Variants in RNF32 observed in about 807,000 individuals in gnomAD.
The protein encoded by RNF32 is ring finger protein 32.
In RNF32, 36 loss-of-function variants were observed where a neutral mutation model predicts 41.0. The observed-to-expected ratio is 0.88, with a 90% confidence interval of 0.67 to 1.16. The LOEUF is 1.16. Ranked by LOEUF, RNF32 falls within the 50% of genes most tolerant of loss-of-function variation. The probability of loss-of-function intolerance (pLI) is 0.00; values close to 1 mark genes in which losing one functional copy is unlikely to be tolerated. For synonymous variants in RNF32, 154 were observed against 160.9 expected (o/e 0.96, Z 0.32); for missense variants, 413 against 436.7 (o/e 0.95, Z 0.48).
At chr7:156,640,246 A>G (rs917301388), upstream of RNF32, 1 of 448,392 alleles carries the variant, frequency 2.2e-6, no homozygotes, top group Non-Finnish European at 4.5e-6. Context: ...CCCTCGACTA[A>G]CAGCGCAGCG....
intron 7 of RNF32, 64 bp from the exon 8 acceptor site, chr7:156,675,632 A>G: frequency 4.9e-6 from 7 of 1,424,264 alleles, no homozygotes; most frequent in South Asian, 1.2e-5. Flanking sequence ...CAGGCTCGAG[A>G]GCGCTTCCCT....
At chr7:156,658,367 G>A in intron 6 of RNF32, 95 bp from the exon 7 acceptor site, 4 of 1,541,342 alleles carry the variant, frequency 2.6e-6, no homozygotes, top group Non-Finnish European at 1.8e-6. Context: ...AATTTCCCCA[G>A]GGCCTTGTAC....
intron 5 of RNF32, among the ~76,000 whole-genome samples, chr7:156,657,866 CGT>C (rs1455740202): frequency 1.3e-5 from 2 of 152,172 alleles, no homozygotes; most frequent in Non-Finnish European, 2.9e-5. Context: ...CATACACACG[CGT>C]GACTCACCTT....
At position 156,675,800 on chromosome 7, in the gene RNF32, G is replaced by A; in HGVS notation, c.789G>A (p.Gln263=). 2 of 1,614,182 alleles carry A rather than the reference G, an allele frequency of 1.2e-6. No individual in the cohort carries two copies. The highest frequency in any genetic ancestry group is 2.2e-5 in the South Asian group (2 of 91,082). ...QCLAINRSVL[Q]QLEEKCGHEI... ...TGGCCATAAATCGAAGTGTTCTTCA[G>A]CAGTTGGAAGAAAAATGTGGCCATG... The change falls in exon 8 of 9, where the codon CAG becomes CAA. Residue 263 remains glutamine (Q), a synonymous_variant. Transcript: ENST00000317955.
chr7:156,675,723 T>C lies in RNF32; in HGVS notation c.712T>C (p.Cys238Arg). 3 of 1,613,564 alleles carry C rather than the reference T, an allele frequency of 1.9e-6. No individual in the cohort carries two copies. Among genetic ancestry groups the C allele is most frequent in the Non-Finnish European group, 2.5e-6 (3 of 1,179,570 alleles). The change falls in exon 8 of 9, where the codon TGC becomes CGC. Residue 238 changes from cysteine (C) to arginine (R), a missense_variant. Coordinates refer to ENST00000317955, the MANE Select transcript of RNF32 (RefSeq NM_030936.4). ...KFTEISHRIL[C>R]SYNTNIEELF... ...CACAGAAATCAGCCACCGCATCCTG[T>C]GCTCATACAACACCAACATTGAAGA... is the stretch of plus-strand genomic sequence containing the variant.
In RNF32 at chr7:156,670,933, G is replaced by A. The variant is rs999536207; in HGVS notation, c.685-4763G>A. 1.3e-5 allele frequency among the ~76,000 whole-genome samples: 2 copies of A among 152,308 alleles called. No individual in the cohort carries two copies. The highest frequency in any genetic ancestry group is 1.9e-4 in the East Asian group (1 of 5,188). ...AAATCTAATAGACATTGATTCCACCGAACAAGAAAACTCATGTCTCAGGTT... is the reference window on the plus strand; with the variant it reads ...AAATCTAATAGACATTGATTCCACCAAACAAGAAAACTCATGTCTCAGGTT... On this transcript the variant is annotated intron_variant, in intron 7 of 8. Coordinates refer to ENST00000317955, the MANE Select transcript of RNF32 (RefSeq NM_030936.4). The surrounding 1 kb of genome is among the most constrained non-coding windows in gnomAD (Gnocchi z 4.3).
Position 156,670,470 on chromosome 7 carries a change from C to T in RNF32, c.685-5226C>T, listed in dbSNP as rs996142807. Among the ~76,000 whole-genome samples, 1 of 152,182 alleles carries T rather than the reference C, an allele frequency of 6.6e-6. No homozygotes were observed. The highest frequency in any genetic ancestry group is 2.4e-5 in the African/African-American group (1 of 41,434). On this transcript the variant is annotated intron_variant, in intron 7 of 8. Transcript: ENST00000317955. The surrounding 1 kb of genome is among the most constrained non-coding windows in gnomAD (Gnocchi z 4.3). ...AAGAGAACACGTGGGACAGAGGCAA[C>T]AGCTTGAAGCAACAAAGGCTAAGAA...
rs1797747719 is a variant in RNF32, at chr7:156,644,550, G to A, written c.67G>A (p.Asp23Asn). 6.2e-7 allele frequency: 1 copy of A among 1,612,430 alleles called. No homozygotes were observed. The highest frequency in any genetic ancestry group is 8.5e-7 in the Non-Finnish European group (1 of 1,179,240). ...GGCAGTCAATGCAGTTGCTTTACAA[G>A]ATCACATTTTACATGATCTTCAACT... Reference protein sequence around the residue: ...NLAVNAVALQDHILHDLQLRN... With the variant: ...NLAVNAVALQNHILHDLQLRN... Residue 23 changes from aspartate to asparagine, a missense_variant, in exon 3 of 9, where the codon GAT becomes AAT. Coordinates refer to ENST00000317955, the MANE Select transcript of RNF32 (RefSeq NM_030936.4).
At chr7:156,654,799 C>T (rs1022881608) in intron 4 of RNF32, 81 bp downstream of exon 4, 3 of 1,356,286 alleles carry the variant, frequency 2.2e-6, no homozygotes, top group African/African-American at 2.9e-5. Context: ...CCTAAGATTC[C>T]AAGCTTCCTT....
chr7:156,646,443 C>T (rs1355862983), intron 3 of RNF32: 10 of 1,303,680 alleles, frequency 7.7e-6, no homozygotes, highest in Non-Finnish European at 9.1e-6. Flanking sequence ...TCCCTTTCCT[C>T]TTCTTATAAG....
In RNF32 at chr7:156,670,289, A is replaced by G. The variant is rs566088426; in HGVS notation, c.685-5407A>G. On this transcript the variant is annotated intron_variant, in intron 7 of 8. Coordinates refer to ENST00000317955, the MANE Select transcript of RNF32 (RefSeq NM_030936.4). This position sits in a 1 kb window ranked among gnomAD's most constrained non-coding sequence, Gnocchi z 4.3. ...CTGTTTTGACTTTGGCTCTTGATAC[A>G]CACACATTCTAGTCAGGCCCTGCCT... Among the ~76,000 whole-genome samples, 5 of 152,254 alleles carry G rather than the reference A, an allele frequency of 3.3e-5. No homozygotes were observed. Among genetic ancestry groups the G allele is most frequent in the Admixed American group, 2.6e-4 (4 of 15,304 alleles).
chr7:156,653,732 G>C (rs1799123689), intron 3 of RNF32, among the ~76,000 whole-genome samples: 1 of 152,224 alleles, frequency 6.6e-6, no homozygotes, highest in Non-Finnish European at 1.5e-5. Context: ...CGCACTATCA[G>C]CTCGATGCCG....
rs1797690483 is a variant in RNF32 at position 156,644,020 on chromosome 7, C to T, written c.15+128C>T. Reference sequence around the variant, plus strand: ...ACTAGGAATTGTCAGCAGGAATGGGCGATGCCAAGTGTCGCATGGGGCAGT... The same window carrying T: ...ACTAGGAATTGTCAGCAGGAATGGGTGATGCCAAGTGTCGCATGGGGCAGT... On this transcript the variant is annotated intron_variant, in intron 2 of 8. Coordinates refer to ENST00000317955, the MANE Select transcript of RNF32 (RefSeq NM_030936.4). 2.8e-5 allele frequency: 22 copies of T among 795,606 alleles called. No individual in the cohort carries two copies. In the Middle Eastern group the frequency reaches 9.2e-4, roughly 33 times the overall value. The allele number at this position is 795,606 out of a possible 1,614,324, so 49.3% of individuals were successfully genotyped here. A position where few individuals can be genotyped will look rare whatever the true frequency, so the allele number is the denominator to read the frequency against.
At chr7:156,649,512 C>A (rs918052616) in intron 3 of RNF32, among the ~76,000 whole-genome samples, 4 of 152,070 alleles carry the variant, frequency 2.6e-5, no homozygotes, top group African/African-American at 9.7e-5. Context: ...CATTTACTTA[C>A]TTATGTGATG....
intron 4 of RNF32, 97 bp downstream of exon 4, chr7:156,654,815 A>G: frequency 8.5e-7 from 1 of 1,175,280 alleles, no homozygotes; most frequent in Non-Finnish European, 1.2e-6. Context: ...TCCTTTTTCC[A>G]GTTTCATCCT....
In RNF32 at chr7:156,676,753, C is replaced by G; in HGVS notation, c.*98C>G. The G allele has an allele frequency of 3.5e-6, 3 of 852,944 alleles. No individual in the cohort carries two copies. The highest frequency in any genetic ancestry group is 4.0e-5 in the Admixed American group (2 of 50,062). 52.8% of individuals were successfully genotyped at this position (852,944 alleles called of 1,614,324 possible). A position where few individuals can be genotyped will look rare whatever the true frequency, so the allele number is the denominator to read the frequency against. On this transcript the variant is annotated 3_prime_UTR_variant, in exon 9 of 9. Transcript: ENST00000317955. ...TCTGGGTTAAGTACTACAATGTAAT[C>G]TGTTTCCCAGGGAAATAAGCTATTG...
intron 8 of RNF32, 29 bp downstream of exon 8, chr7:156,675,892 G>A: frequency 1.9e-6 from 3 of 1,602,864 alleles, no homozygotes; most frequent in Non-Finnish European, 2.6e-6. Context: ...CTGGCAACCA[G>A]CAGACTCAGC....
In RNF32 at chr7:156,664,458, TC is replaced by T. The variant is rs1306022177; in HGVS notation, c.684+5890del. On this transcript the variant is annotated intron_variant, in intron 7 of 8. Coordinates refer to ENST00000317955, the MANE Select transcript of RNF32 (RefSeq NM_030936.4). The stretch of plus-strand genomic sequence containing the variant: ...CCTGGGCGACAAGAGTCAAACTCCA[TC>T]CAAAAAAAAAAGAAAGAAAAAGAAA... Among the ~76,000 whole-genome samples, 3 of 150,278 alleles carry T rather than the reference TC, an allele frequency of 2.0e-5. No individual in the cohort carries two copies. The South Asian group carries it at 6.3e-4, about 32-fold the overall frequency.
rs1804177868 is a variant in RNF32 at position 156,676,969 on chromosome 7, GTAAGTTCCAAATGTAAAACACTCCT to G, written c.*329_*353del. On this transcript the variant is annotated 3_prime_UTR_variant, in exon 9 of 9. Coordinates refer to ENST00000317955, the MANE Select transcript of RNF32 (RefSeq NM_030936.4). ...TAGTGTCTGAACGACACTCCTTAAA[GTAAGTTCCAAATGTAAAACACTCCT>G]TAAGTTCCAAATGTTTTCCGCTAAT... The G allele has an allele frequency of 7.6e-6, 2 of 264,468 alleles. No homozygotes were observed. The highest frequency in any genetic ancestry group is 4.3e-5 in the African/African-American group (2 of 46,024). 16.4% of individuals were successfully genotyped at this position (264,468 alleles called of 1,614,324 possible).
Sources: gnomAD v4.1 joint callset for allele counts (sites outside exome capture counted in the v4.1 genomes callset) on GRCh38, gnomAD v4.1.1 for gene constraint, Gnocchi (gnomAD v3.1) non-coding constraint, MANE v1.5 for transcripts, NCBI Gene and HGNC (gene_info 2026-07-23, HGNC 2026-07-21) for gene names.